DYDC1: variants seen among roughly 807,000 people sequenced by gnomAD.
DYDC1 encodes DPY30 domain containing 1.
In DYDC1, 21 loss-of-function variants were observed where a neutral mutation model predicts 27.9. The ratio of observed to expected loss-of-function variants is 0.75; its 90% CI spans 0.53 to 1.08. DYDC1 has a LOEUF of 1.08. DYDC1 is among the 50% of genes least tolerant of loss of function. The probability of loss-of-function intolerance (pLI) is 0.00; values close to 1 mark genes in which losing one functional copy is unlikely to be tolerated. For missense variants in DYDC1, 202 were observed against 205.9 expected, an observed-to-expected ratio of 0.98 and a Z score of 0.12; for synonymous variants, 67 against 65.8, an observed-to-expected ratio of 1.02 and a Z score of -0.09.
At chr10:80,340,463 T>C (rs1398259849) in intron 4 of DYDC1, among the ~76,000 whole-genome samples, 3 of 152,178 alleles carry the variant, frequency 2.0e-5, no homozygotes, top group Non-Finnish European at 4.4e-5. Flanking sequence ...ATTCTGGCAG[T>C]GGTCACACAA....
intron 3 of DYDC1, among the ~76,000 whole-genome samples, chr10:80,348,652 A>C (rs1842804176): frequency 6.6e-6 from 1 of 152,242 alleles, no homozygotes; most frequent in South Asian, 2.1e-4. Context: ...AATCCATTTA[A>C]CTATGCAATT....
At chr10:80,354,351 T>C (rs1843217390) in intron 1 of DYDC1, 1 of 150,896 alleles carries the variant, frequency 6.6e-6, no homozygotes, top group Non-Finnish European at 1.5e-5. Context: ...CTGGGCGTGG[T>C]GGCACATACC....
chr10:80,339,474 C>A (rs944092099), intron 4 of DYDC1, among the ~76,000 whole-genome samples: 1 of 92,786 alleles, frequency 1.1e-5, no homozygotes, highest in Non-Finnish European at 2.0e-5. Context: ...TATAATAGAA[C>A]CTTAGAACAA....
intron 4 of DYDC1, among the ~76,000 whole-genome samples, chr10:80,341,442 C>CA (rs58419721): frequency 0.12 from 5,371 of 46,476 alleles, 847 homozygotes; most frequent in African/African-American, 0.31. Context: ...GACTCTGTCT[C>CA]AAAAAAAAAA....
intron 6 of DYDC1, 196 bp downstream of exon 6, chr10:80,338,269 GAC>G: frequency 7.6e-7 from 1 of 1,312,496 alleles, no homozygotes; most frequent in Non-Finnish European, 9.7e-7. Flanking sequence ...ATAAGCCAGT[GAC>G]ACACTTCACA....
intron 1 of DYDC1, chr10:80,356,287 T>C: frequency 1.0e-6 from 1 of 985,614 alleles, no homozygotes; most frequent in Non-Finnish European, 1.2e-6. Flanking sequence ...AAGAAAGCCC[T>C]TTCCCACAGA....
At position 80,336,115 on chromosome 10, in the gene DYDC1, G is replaced by A; in HGVS notation, c.*41C>T. The A allele has an allele frequency of 7.5e-7, 1 of 1,330,732 alleles. No individual in the cohort carries two copies. The highest frequency in any genetic ancestry group is 1.1e-6 in the Non-Finnish European group (1 of 947,380). The allele number at this position is 1,330,732 out of a possible 1,614,324, so 82.4% of individuals were successfully genotyped here. A position where few individuals can be genotyped will look rare whatever the true frequency, so the allele number is the denominator to read the frequency against. ...TTGGGAACCTCATGGTTTGAAATTTGAAACAAACAAAAACATTTATTGCTC... is the reference window on the plus strand; with the variant it reads ...TTGGGAACCTCATGGTTTGAAATTTAAAACAAACAAAAACATTTATTGCTC... On this transcript the variant is annotated 3_prime_UTR_variant, in exon 7 of 7. Transcript: ENST00000372202.
At chr10:80,337,783 T>C (rs1213456220) in intron 6 of DYDC1, among the ~76,000 whole-genome samples, 4 of 152,206 alleles carry the variant, frequency 2.6e-5, no homozygotes, top group African/African-American at 9.7e-5. Context: ...CTGAGGTTCC[T>C]CAACTGTGCT....
chr10:80,339,121 C>A lies in DYDC1; in HGVS notation c.375G>T (p.Arg125Ser). The change falls in exon 5 of 7, where the codon AGG (arginine) becomes AGT (serine). Residue 125 changes from arginine to serine, a missense_variant. By Grantham distance (110) the Arg-to-Ser change is moderately radical. Coordinates refer to ENST00000372202, the MANE Select transcript of DYDC1 (RefSeq NM_001269053.2). ...EMRMNMENLV[R>S]NEDILHSEEA... is the part of the protein sequence containing the mutation. ...CCTCTGAATGTAGAATATCTTCATT[C>A]CTAACTAGATTTTCCATATTCATTC... is the stretch of plus-strand genomic sequence containing the variant. 7.2e-7 allele frequency: 1 copy of A among 1,385,654 alleles called. No individual in the cohort carries two copies. The highest frequency in any genetic ancestry group is 1.5e-5 in the South Asian group (1 of 68,548). The allele number at this position is 1,385,654 out of a possible 1,614,324, so 85.8% of individuals were successfully genotyped here.
chr10:80,348,898 CT>C (rs546974679), intron 3 of DYDC1, among the ~76,000 whole-genome samples: 9,357 of 148,654 alleles, frequency 0.063, 290 homozygotes, highest in Middle Eastern at 0.1. Context: ...AGCAGATAAA[CT>C]TTTTTTTTTT....
intron 3 of DYDC1, among the ~76,000 whole-genome samples, chr10:80,346,793 G>C (rs1025174347): frequency 1.3e-5 from 2 of 152,032 alleles, no homozygotes; most frequent in Non-Finnish European, 2.9e-5. Context: ...AGCCATCTTA[G>C]GCTGGTCACG....
chr10:80,336,144 G>C lies in DYDC1; in HGVS notation c.*12C>G. On this transcript the variant is annotated 3_prime_UTR_variant, in exon 7 of 7. Coordinates refer to ENST00000372202, the MANE Select transcript of DYDC1 (RefSeq NM_001269053.2). ...CAAACAAAAACATTTATTGCTCTTAGGTTGGTTGGTCCTACAAATCTTGAT... is the reference window on the plus strand; with the variant it reads ...CAAACAAAAACATTTATTGCTCTTACGTTGGTTGGTCCTACAAATCTTGAT... The C allele has an allele frequency of 7.0e-7, 1 of 1,429,294 alleles. No individual in the cohort carries two copies. Among genetic ancestry groups the C allele is most frequent in the Admixed American group, 2.0e-5 (1 of 51,254 alleles). The allele number at this position is 1,429,294 out of a possible 1,614,324, so 88.5% of individuals were successfully genotyped here.
intron 6 of DYDC1, 38 bp downstream of exon 6, chr10:80,338,429 C>G: frequency 6.2e-7 from 1 of 1,606,832 alleles, no homozygotes; most frequent in Non-Finnish European, 8.5e-7. Context: ...AAAACAAAAA[C>G]AAAAACGAGT....
chr10:80,336,920 A>G (rs1842150305), intron 6 of DYDC1, among the ~76,000 whole-genome samples: 1 of 152,128 alleles, frequency 6.6e-6, no homozygotes, highest in Non-Finnish European at 1.5e-5. Context: ...GCTCCACACC[A>G]ATCCTCTCTC....
chr10:80,352,697 T>C (rs1843077236), intron 1 of DYDC1, 87 bp from the exon 2 acceptor site: 1 of 1,425,776 alleles, frequency 7.0e-7, no homozygotes, highest in Non-Finnish European at 9.2e-7. Flanking sequence ...AACAAAGCCT[T>C]ACATACACCC....
chr10:80,336,266 G>T, intron 6 of DYDC1, 81 bp from the exon 7 acceptor site: 1 of 1,470,878 alleles, frequency 6.8e-7, no homozygotes, highest in Non-Finnish European at 8.9e-7. Flanking sequence ...TAAACTTTAG[G>T]TAACTTCTAT....
chr10:80,342,182 TG>T, intron 4 of DYDC1, 86 bp downstream of exon 4: 1 of 1,311,028 alleles, frequency 7.6e-7, no homozygotes, highest in Non-Finnish European at 1.1e-6. Context: ...ACAAATCCCA[TG>T]GTCCTTCTGC....
intron 4 of DYDC1, among the ~76,000 whole-genome samples, chr10:80,341,489 T>C (rs1357257487): frequency 2.8e-5 from 4 of 143,342 alleles, no homozygotes; most frequent in Non-Finnish European, 4.6e-5. Flanking sequence ...AGTTACTGCA[T>C]AGTTTATTTT....
chr10:80,344,124 A>G (rs1159814471), intron 3 of DYDC1, among the ~76,000 whole-genome samples: 1 of 152,226 alleles, frequency 6.6e-6, no homozygotes, highest in East Asian at 1.9e-4. Flanking sequence ...TTAAAAAAAT[A>G]AAAATAACAA....
Sources: allele counts gnomAD v4.1 joint callset (sites outside exome capture counted in the v4.1 genomes callset), GRCh38; gene constraint gnomAD v4.1.1; transcripts MANE v1.5; gene names NCBI Gene and HGNC (gene_info 2026-07-23, HGNC 2026-07-21).